The following SYN3 variants were observed in gnomAD, a reference collection of about 807,000 sequenced individuals.
The protein encoded by SYN3 is synapsin-3.
SYN3 carries 35 observed loss-of-function variants against 65.8 expected under a neutral mutation model. The ratio of observed to expected loss-of-function variants is 0.53; its 90% CI spans 0.41 to 0.70. SYN3 has a LOEUF of 0.70. Ranked by LOEUF, SYN3 falls within the 30% of genes least tolerant of loss-of-function variation. The probability of loss-of-function intolerance (pLI) is 0.00; values close to 1 mark genes in which losing one functional copy is unlikely to be tolerated. For synonymous variants in SYN3, 270 were observed against 292.9 expected, an observed-to-expected ratio of 0.92 and a Z score of 0.80; for missense variants, 680 against 749.0, an observed-to-expected ratio of 0.91 and a Z score of 1.08.
intron 6 of SYN3, among the ~76,000 whole-genome samples, chr22:32,807,958 A>G (rs1222536937): frequency 6.6e-6 from 1 of 152,112 alleles, no homozygotes; most frequent in African/African-American, 2.4e-5. Flanking sequence ...TATAATTTTT[A>G]TTGACTTACT....
At chr22:33,042,342 T>C (rs2053980088) in intron 1 of SYN3, among the ~76,000 whole-genome samples, 2 of 152,230 alleles carry the variant, frequency 1.3e-5, no homozygotes, top group Admixed American at 1.3e-4. Flanking sequence ...GACCCACCTG[T>C]CTACAGCACC....
chr22:32,775,673 G>T (rs889226253), intron 6 of SYN3, among the ~76,000 whole-genome samples: 1 of 147,234 alleles, frequency 6.8e-6, no homozygotes, highest in African/African-American at 2.6e-5. Flanking sequence ...GAGATCAGGA[G>T]TTCTGCTGCC....
intron 2 of SYN3, among the ~76,000 whole-genome samples, chr22:32,985,099 C>A (rs998030194): frequency 6.6e-5 from 10 of 152,208 alleles, no homozygotes; most frequent in African/African-American, 2.4e-4. Context: ...GTAAGCCAAC[C>A]TCTGAATGCC....
chr22:32,569,400 A>AATCAATCTATCT (rs1555898524), intron 7 of SYN3, among the ~76,000 whole-genome samples: 2 of 143,970 alleles, frequency 1.4e-5, no homozygotes, highest in East Asian at 2.0e-4. Context: ...CTCCATCCAA[A>AATCAATCTATCT]ATCTATCTAT....
intron 6 of SYN3, among the ~76,000 whole-genome samples, chr22:32,834,438 C>T (rs557565863): frequency 1.4e-4 from 22 of 152,288 alleles, no homozygotes; most frequent in African/African-American, 4.8e-4. Flanking sequence ...GCTGGGATTA[C>T]AGGCATGAGC....
intron 3 of SYN3, among the ~76,000 whole-genome samples, chr22:32,969,707 A>G (rs2051959956): frequency 6.6e-6 from 1 of 152,174 alleles, no homozygotes; most frequent in Non-Finnish European, 1.5e-5. Context: ...TAAACAAGGG[A>G]GCAGGATTAG....
chr22:32,750,924 G>A (rs544756821), intron 6 of SYN3, among the ~76,000 whole-genome samples: 1 of 152,250 alleles, frequency 6.6e-6, no homozygotes, highest in Non-Finnish European at 1.5e-5. Context: ...TTCTGGAACT[G>A]TGAGGGTGAA....
chr22:32,513,564 A>AG lies in SYN3; in HGVS notation c.*127dup. On this transcript the variant is annotated 3_prime_UTR_variant, in exon 14 of 14. Transcript: ENST00000358763. ...TATAGATAATCGGTTCCTGGGTCAA[A>AG]GGCATTTAGAAAGTATGTTCTCAGG... 1.6e-6 allele frequency: 2 copies of AG among 1,232,316 alleles called. No homozygotes were observed. Among genetic ancestry groups the AG allele is most frequent in the Non-Finnish European group, 2.2e-6 (2 of 889,672 alleles). The allele number at this position is 1,232,316 out of a possible 1,614,324, so 76.3% of individuals were successfully genotyped here.
intron 7 of SYN3, among the ~76,000 whole-genome samples, chr22:32,551,073 C>T (rs1310626037): frequency 1.3e-5 from 2 of 152,140 alleles, no homozygotes; most frequent in Non-Finnish European, 2.9e-5. Context: ...GGGTAAATAA[C>T]AGTGATGAAG....
intron 3 of SYN3, among the ~76,000 whole-genome samples, chr22:32,968,782 G>A (rs985880914): frequency 3.3e-5 from 5 of 152,174 alleles, no homozygotes; most frequent in Admixed American, 6.5e-5. Context: ...AAATCTCTAC[G>A]ATAGAGAGAT....
At position 32,572,255 on chromosome 22, in the gene SYN3, T is replaced by TTCCTTCCTTCCTTCCTTCCTTCC. The variant is rs1246276846; in HGVS notation, c.774+24418_774+24419insGGAAGGAAGGAAGGAAGGAAGGA. 1.2e-3 allele frequency among the ~76,000 whole-genome samples: 102 copies of TTCCTTCCTTCCTTCCTTCCTTCC among 87,572 alleles called. 8 individuals are homozygous for TTCCTTCCTTCCTTCCTTCCTTCC. Among genetic ancestry groups the TTCCTTCCTTCCTTCCTTCCTTCC allele is most frequent in the African/African-American group, 4.9e-3 (96 of 19,734 alleles). The allele number at this position is 87,572 out of a possible 152,430, so 57.5% of individuals were successfully genotyped here. ...AGTCAGATTCTGGCTCCTTCCTTCC[T>TTCCTTCCTTCCTTCCTTCCTTCC]TTCCTTCCTTCCTTCCCCCCTCCCT... On this transcript the variant is annotated intron_variant, in intron 7 of 13. Transcript: ENST00000358763.
At chr22:32,746,658 C>T (rs1206083387) in intron 6 of SYN3, among the ~76,000 whole-genome samples, 2 of 152,162 alleles carry the variant, frequency 1.3e-5, no homozygotes, top group Non-Finnish European at 2.9e-5. Context: ...GGCCCCCAGT[C>T]CAGTGCTACC....
At chr22:33,045,754 CT>C in intron 1 of SYN3, among the ~76,000 whole-genome samples, 1 of 151,946 alleles carries the variant, frequency 6.6e-6, no homozygotes, top group East Asian at 1.9e-4. Flanking sequence ...AAAAGAAATT[CT>C]TTTTTAACCA....
chr22:32,887,469 CT>C (rs1057438371), intron 4 of SYN3, among the ~76,000 whole-genome samples: 1 of 152,142 alleles, frequency 6.6e-6, no homozygotes, highest in African/African-American at 2.4e-5. Context: ...AGAAAAATGA[CT>C]TGTGCCAACA....
intron 3 of SYN3, among the ~76,000 whole-genome samples, chr22:32,961,812 C>G (rs1438378647): frequency 6.6e-6 from 1 of 152,228 alleles, no homozygotes; most frequent in Non-Finnish European, 1.5e-5. Flanking sequence ...TCCAAAGTTC[C>G]CTTAGTGTTA....
chr22:32,701,084 C>T (rs764751640), intron 6 of SYN3, among the ~76,000 whole-genome samples: 1 of 152,230 alleles, frequency 6.6e-6, no homozygotes, highest in Non-Finnish European at 1.5e-5. Context: ...AACATGATCA[C>T]TTTTCTCAAC....
chr22:32,902,304 A>G (rs1402462097), intron 4 of SYN3, among the ~76,000 whole-genome samples: 2 of 152,214 alleles, frequency 1.3e-5, no homozygotes, highest in Non-Finnish European at 2.9e-5. Flanking sequence ...GGGTCAAGGG[A>G]GAATGTAGTC....
At chr22:33,014,796 G>A (rs969612695) in intron 1 of SYN3, among the ~76,000 whole-genome samples, 10 of 152,148 alleles carry the variant, frequency 6.6e-5, no homozygotes, top group African/African-American at 2.4e-4. Context: ...AGCCAGCTTC[G>A]CAGTCGAAGG....
intron 3 of SYN3, among the ~76,000 whole-genome samples, chr22:32,960,451 C>T (rs2051612036): frequency 6.6e-6 from 1 of 152,212 alleles, no homozygotes; most frequent in African/African-American, 2.4e-5. Flanking sequence ...CCACATCTCC[C>T]TATCATTCCC....
Sources: allele counts gnomAD v4.1 joint callset (sites outside exome capture counted in the v4.1 genomes callset), GRCh38; gene constraint gnomAD v4.1.1; transcripts MANE v1.5; gene names NCBI Gene and HGNC (gene_info 2026-07-23, HGNC 2026-07-21).